Variants in RABL3 observed in about 807,000 individuals in gnomAD.
RABL3 encodes RAB, member of RAS oncogene family like 3.
A neutral mutation model predicts 31.8 loss-of-function variants in RABL3; 31 were observed. The observed-to-expected ratio is 0.97, with a 90% CI of 0.73 to 1.31. The LOEUF (loss-of-function observed/expected upper bound fraction) is 1.31. RABL3 is among the 40% of genes most tolerant of loss of function. The pLI is 0.00. For missense variants in RABL3, 263 were observed against 279.6 expected, an observed-to-expected ratio of 0.94 and a Z score of 0.42; for synonymous variants, 97 against 99.9, an observed-to-expected ratio of 0.97 and a Z score of 0.18.
intron 1 of RABL3, among the ~76,000 whole-genome samples, chr3:120,736,423 G>A (rs1190212664): frequency 6.6e-6 from 1 of 151,764 alleles, no homozygotes; most frequent in African/African-American, 2.4e-5. Flanking sequence ...CCTTTATTTT[G>A]AGCCTATGTG....
upstream of RABL3, chr3:120,742,620 T>G: frequency 9.5e-7 from 1 of 1,056,046 alleles, no homozygotes; most frequent in Middle Eastern, 2.0e-4. Context: ...GTGACTGTCT[T>G]GATCGAAGGT....
chr3:120,716,927 T>C (rs114310902), intron 2 of RABL3, among the ~76,000 whole-genome samples: 1 of 152,220 alleles, frequency 6.6e-6, no homozygotes, highest in Admixed American at 6.5e-5. Flanking sequence ...CTTTTACTTA[T>C]GTTATCACTC....
At chr3:120,739,238 G>A (rs763790397) in intron 1 of RABL3, among the ~76,000 whole-genome samples, 2 of 152,140 alleles carry the variant, frequency 1.3e-5, no homozygotes, top group African/African-American at 4.8e-5. Context: ...TTAGCTGGGC[G>A]TGGTGGTGGG....
At chr3:120,704,548 C>T (rs1708527681) in intron 4 of RABL3, among the ~76,000 whole-genome samples, 1 of 152,114 alleles carries the variant, frequency 6.6e-6, no homozygotes, top group African/African-American at 2.4e-5. Flanking sequence ...CTAGTTAGTA[C>T]CCTTTTGGAA....
chr3:120,742,447 G>C lies in RABL3; in HGVS notation c.46+15C>G, dbSNP rs369050132. The C allele has an allele frequency of 6.8e-6, 11 of 1,613,488 alleles. No individual in the cohort carries two copies. Among genetic ancestry groups the C allele is most frequent in the Non-Finnish European group, 9.3e-6 (11 of 1,179,490 alleles). ...AAAAGTGTCTGGAGCCCCAGAGGTA[G>C]GGTAAGCCGCTCACCTGAGTCTCCC... On this transcript the variant is annotated intron_variant, in intron 1 of 7. Coordinates refer to ENST00000273375, the MANE Select transcript of RABL3 (RefSeq NM_173825.5).
chr3:120,716,128 A>T (rs1476997154), intron 2 of RABL3, among the ~76,000 whole-genome samples: 1 of 152,224 alleles, frequency 6.6e-6, no homozygotes, highest in Non-Finnish European at 1.5e-5. Flanking sequence ...CAATGTGTAA[A>T]TTAGAGAGTT....
chr3:120,689,979 G>T, intron 7 of RABL3, 91 bp from the exon 8 acceptor site: 2 of 993,982 alleles, frequency 2.0e-6, no homozygotes, highest in Non-Finnish European at 3.1e-6. Context: ...ATTTCTGTAT[G>T]TCAGCCTGCT....
chr3:120,720,596 T>A (rs1708727120), intron 2 of RABL3, among the ~76,000 whole-genome samples: 1 of 152,026 alleles, frequency 6.6e-6, no homozygotes, highest in African/African-American at 2.4e-5. Context: ...CGATGGAAGA[T>A]CAAATGAATG....
chr3:120,710,928 C>T (rs374036086), intron 2 of RABL3, among the ~76,000 whole-genome samples: 1 of 152,238 alleles, frequency 6.6e-6, no homozygotes, highest in East Asian at 1.9e-4. Flanking sequence ...TTCTATCGAA[C>T]TTATGCCCTA....
At chr3:120,734,934 G>A (rs2107597553) in intron 1 of RABL3, among the ~76,000 whole-genome samples, 1 of 152,314 alleles carries the variant, frequency 6.6e-6, no homozygotes, top group African/African-American at 2.4e-5. Context: ...TGTGCTGCTG[G>A]ATTCGGTTTG....
At chr3:120,704,496 C>T (rs187928769) in intron 4 of RABL3, among the ~76,000 whole-genome samples, 34 of 152,258 alleles carry the variant, frequency 2.2e-4, no homozygotes, top group East Asian at 2.1e-3. Context: ...ATGCTTTCCC[C>T]CTAAGATTGG....
At chr3:120,733,759 C>G (rs552856298) in intron 1 of RABL3, among the ~76,000 whole-genome samples, 1 of 152,268 alleles carries the variant, frequency 6.6e-6, no homozygotes, top group Admixed American at 6.5e-5. Flanking sequence ...GATCCAGTTT[C>G]AGCTTTCTAC....
intron 6 of RABL3, among the ~76,000 whole-genome samples, chr3:120,692,010 C>T (rs1708385133): frequency 6.6e-6 from 1 of 152,252 alleles, no homozygotes; most frequent in Middle Eastern, 3.4e-3. Flanking sequence ...TTCACTTACC[C>T]CAGAGGTAGA....
At chr3:120,742,151 C>T (rs1709051699) in intron 1 of RABL3, among the ~76,000 whole-genome samples, 3 of 150,754 alleles carry the variant, frequency 2.0e-5, no homozygotes, top group Admixed American at 1.3e-4. Flanking sequence ...ATACTCAATG[C>T]CTGCTTTTTT....
At chr3:120,716,027 G>T (rs898699367) in intron 2 of RABL3, among the ~76,000 whole-genome samples, 1 of 152,240 alleles carries the variant, frequency 6.6e-6, no homozygotes. Flanking sequence ...CATATGCTTA[G>T]TGAAGATAGA....
intron 2 of RABL3, among the ~76,000 whole-genome samples, chr3:120,724,322 A>G (rs1463631535): frequency 6.6e-6 from 1 of 152,246 alleles, no homozygotes; most frequent in Non-Finnish European, 1.5e-5. Context: ...ATGGAAGAAC[A>G]TTCCATGCTC....
At chr3:120,704,115 C>T (rs763310107) in intron 4 of RABL3, among the ~76,000 whole-genome samples, 1 of 152,200 alleles carries the variant, frequency 6.6e-6, no homozygotes, top group Admixed American at 6.5e-5. Flanking sequence ...CAGAAAACTA[C>T]ACACCAATGC....
At chr3:120,713,897 G>A (rs559634320) in intron 2 of RABL3, among the ~76,000 whole-genome samples, 110 of 142,218 alleles carry the variant, frequency 7.7e-4, no homozygotes, top group African/African-American at 2.6e-3. Context: ...TGCAACCTCC[G>A]CCTCCCTGGG....
rs1398095172 is a variant in RABL3, at chr3:120,685,718, C to A, written c.*4105G>T. ...GCTTTGATGAATTCTGCTATAATGGCACTCATAAAGTACAGAGTTCACAAT... is the reference window on the plus strand; with the variant it reads ...GCTTTGATGAATTCTGCTATAATGGAACTCATAAAGTACAGAGTTCACAAT... On this transcript the variant is annotated 3_prime_UTR_variant, in exon 8 of 8. Transcript: ENST00000273375. Among the ~76,000 whole-genome samples, 1 of 152,146 alleles carries A rather than the reference C, an allele frequency of 6.6e-6. No homozygotes were observed. Among genetic ancestry groups the A allele is most frequent in the Non-Finnish European group, 1.5e-5 (1 of 68,030 alleles).
Sources: gnomAD v4.1 joint callset for allele counts (sites outside exome capture counted in the v4.1 genomes callset) on GRCh38, gnomAD v4.1.1 for gene constraint, MANE v1.5 for transcripts, NCBI Gene and HGNC (gene_info 2026-07-23, HGNC 2026-07-21) for gene names.